SUGCT: variants seen among roughly 807,000 people sequenced by gnomAD.
SUGCT encodes the protein succinyl-CoA:glutarate-CoA transferase.
A neutral mutation model predicts 55.0 loss-of-function variants in SUGCT; 41 were observed. The observed-to-expected ratio is 0.74, with a 90% confidence interval of 0.58 to 0.97. SUGCT has a LOEUF of 0.97. Among genes scored for constraint, SUGCT ranks in the 50% least tolerant of loss-of-function variants. The pLI is 0.00. For synonymous variants in SUGCT, 187 were observed against 200.4 expected (o/e 0.93, Z 0.56); for missense variants, 568 against 547.8 (o/e 1.04, Z -0.37).
intron 1 of SUGCT, among the ~76,000 whole-genome samples, chr7:40,157,512 A>G (rs1419180525): frequency 6.6e-6 from 1 of 152,214 alleles, no homozygotes; most frequent in Non-Finnish European, 1.5e-5. Flanking sequence ...GTTTACTTTC[A>G]GGTTACAAGA....
At chr7:40,434,995 C>T (rs977001097) in intron 9 of SUGCT, among the ~76,000 whole-genome samples, 2 of 152,164 alleles carry the variant, frequency 1.3e-5, no homozygotes, top group Non-Finnish European at 2.9e-5. Flanking sequence ...AGTAGCCATT[C>T]ACACTTCCCA....
At chr7:40,924,380 C>G in the SUGCT span, among the ~76,000 whole-genome samples, 6 of 151,924 alleles carry the variant, frequency 3.9e-5, no homozygotes, top group African/African-American at 1.5e-4. Flanking sequence ...GCTGGGACCA[C>G]AGGCATGCAC....
the SUGCT span, among the ~76,000 whole-genome samples, chr7:40,952,652 G>A: frequency 6.6e-6 from 1 of 152,148 alleles, no homozygotes; most frequent in Non-Finnish European, 1.5e-5. Context: ...AGACCTGGTG[G>A]TGACAAAATC....
the SUGCT span, among the ~76,000 whole-genome samples, chr7:40,996,348 T>C: frequency 1.4e-4 from 21 of 152,330 alleles, no homozygotes; most frequent in African/African-American, 3.6e-4. Context: ...CAGCCTCAGC[T>C]TCTGCACCTG....
chr7:40,207,773 T>A (rs1304004610), intron 6 of SUGCT, among the ~76,000 whole-genome samples: 1 of 151,788 alleles, frequency 6.6e-6, no homozygotes, highest in Admixed American at 6.6e-5. Flanking sequence ...GCTGAGATTG[T>A]GCCAGAGCAA....
intron 12 of SUGCT, among the ~76,000 whole-genome samples, chr7:40,674,585 A>G (rs891251880): frequency 6.6e-6 from 1 of 152,236 alleles, no homozygotes; most frequent in African/African-American, 2.4e-5. Context: ...TGGCCCCGGC[A>G]TGTGTGCCTC....
At chr7:40,816,109 G>T (rs1330989249) in intron 13 of SUGCT, among the ~76,000 whole-genome samples, 1 of 152,208 alleles carries the variant, frequency 6.6e-6, no homozygotes, top group Non-Finnish European at 1.5e-5. Flanking sequence ...TCTGCCTGAG[G>T]CTTGCAATGT....
At chr7:40,147,461 T>G (rs889107448) in intron 1 of SUGCT, among the ~76,000 whole-genome samples, 2 of 152,212 alleles carry the variant, frequency 1.3e-5, no homozygotes, top group Non-Finnish European at 2.9e-5. Context: ...TAGTCCCGAC[T>G]AAGGAATGCT....
At chr7:40,323,251 A>G (rs556260971) in intron 9 of SUGCT, among the ~76,000 whole-genome samples, 17 of 151,986 alleles carry the variant, frequency 1.1e-4, no homozygotes, top group Non-Finnish European at 1.5e-4. Flanking sequence ...TTCTGTTCTC[A>G]CTTGGCTCCC....
chr7:40,860,231 A>G, intron 13 of SUGCT, 85 bp from the exon 14 acceptor site: 1 of 1,548,056 alleles, frequency 6.5e-7, no homozygotes, highest in Non-Finnish European at 8.9e-7. Context: ...TTTGGCATTC[A>G]TGGAAAACAC....
At chr7:40,865,570 G>A (rs956499251), downstream of SUGCT, among the ~76,000 whole-genome samples, 4 of 152,136 alleles carry the variant, frequency 2.6e-5, no homozygotes, top group East Asian at 1.9e-4. Flanking sequence ...TAGACTCTTC[G>A]TTCCAGGCCC....
chr7:40,455,167 C>T (rs934010520), intron 10 of SUGCT, among the ~76,000 whole-genome samples: 2 of 151,904 alleles, frequency 1.3e-5, no homozygotes, highest in South Asian at 2.1e-4. Context: ...AACTACAATG[C>T]GAAAAGTATA....
intron 6 of SUGCT, among the ~76,000 whole-genome samples, chr7:40,205,826 C>A (rs925661696): frequency 4.0e-5 from 6 of 151,836 alleles, no homozygotes; most frequent in African/African-American, 9.7e-5. Flanking sequence ...AAGAGAAACC[C>A]AAAACTTTAA....
chr7:40,619,077 A>G (rs567831665), intron 12 of SUGCT, among the ~76,000 whole-genome samples: 61 of 152,258 alleles, frequency 4.0e-4, no homozygotes, highest in African/African-American at 1.4e-3. Context: ...CAGGAATACT[A>G]TGGGAGTTCC....
the SUGCT span, among the ~76,000 whole-genome samples, chr7:40,931,099 C>A: frequency 0.88 from 133,994 of 152,172 alleles, 59,133 homozygotes; most frequent in African/African-American, 0.93. Flanking sequence ...ACATTCCATC[C>A]ATACCTACTT....
intron 12 of SUGCT, among the ~76,000 whole-genome samples, chr7:40,671,562 T>A (rs1374660145): frequency 6.6e-6 from 1 of 152,212 alleles, no homozygotes; most frequent in Non-Finnish European, 1.5e-5. Flanking sequence ...TATGTCTATA[T>A]ACTAGCAGTG....
At chr7:40,777,770 A>T (rs1789539720) in intron 13 of SUGCT, among the ~76,000 whole-genome samples, 2 of 151,918 alleles carry the variant, frequency 1.3e-5, no homozygotes, top group Admixed American at 1.3e-4. Flanking sequence ...ACAGACATGT[A>T]CTTAAGTTGC....
chr7:40,563,993 CAG>C (rs1277087056), intron 12 of SUGCT, among the ~76,000 whole-genome samples: 2 of 152,024 alleles, frequency 1.3e-5, no homozygotes, highest in Non-Finnish European at 2.9e-5. Context: ...TATGTATATA[CAG>C]AGAAAAAAAT....
intron 12 of SUGCT, among the ~76,000 whole-genome samples, chr7:40,631,428 T>G (rs1466209202): frequency 6.6e-6 from 1 of 152,180 alleles, no homozygotes; most frequent in East Asian, 1.9e-4. Flanking sequence ...CTGTTTAGAT[T>G]TAGTTTCACC....
Sources: gnomAD v4.1 joint callset for allele counts (sites outside exome capture counted in the v4.1 genomes callset) on GRCh38, gnomAD v4.1.1 for gene constraint, MANE v1.5 for transcripts, NCBI Gene and HGNC (gene_info 2026-07-23, HGNC 2026-07-21) for gene names.